Variants in GZF1 observed in about 807,000 individuals in gnomAD.
GZF1 encodes GDNF-inducible zinc finger protein 1.
A neutral mutation model predicts 49.4 loss-of-function variants in GZF1; 28 were observed. The observed-to-expected ratio is 0.57, with a 90% CI of 0.42 to 0.78. GZF1 has a LOEUF of 0.78. Ranked by LOEUF, GZF1 falls within the 30% of genes least tolerant of loss-of-function variation. The pLI, the probability that GZF1 is intolerant of heterozygous loss-of-function variation, is 0.00. For missense variants in GZF1, 798 were observed against 916.2 expected (o/e 0.87, Z 1.67); for synonymous variants, 364 against 356.0 (o/e 1.02, Z -0.25).
rs1431316155 is a variant in GZF1, at chr20:23,364,517, A to T, written c.134A>T (p.Asp45Val). ...GTGGAGTATCAGGGTGTCCGCAAAGACTTCATGGCCCACAAGGCAGTGCTG... is the reference window on the plus strand; with the variant it reads ...GTGGAGTATCAGGGTGTCCGCAAAGTCTTCATGGCCCACAAGGCAGTGCTG... ...VSVEYQGVRK[D>V]FMAHKAVLAA... The change falls in exon 2 of 6, where the codon GAC becomes GTC. Residue 45 changes from aspartate (D) to valine (V), a missense_variant. Coordinates refer to ENST00000338121, the MANE Select transcript of GZF1 (RefSeq NM_022482.5). The T allele has an allele frequency of 6.2e-7, 1 of 1,614,112 alleles. No homozygotes were observed. Among genetic ancestry groups the T allele is most frequent in the Non-Finnish European group, 8.5e-7 (1 of 1,180,056 alleles).
In GZF1 at chr20:23,365,658, C is replaced by T. The variant is rs148654502; in HGVS notation, c.1275C>T (p.His425=). The change falls in exon 2 of 6, where the codon CAC becomes CAT. Residue 425 remains histidine (H), a synonymous_variant. Coordinates refer to ENST00000338121, the MANE Select transcript of GZF1 (RefSeq NM_022482.5). ...GTTCCAAGACAGCGCTGCGGCTGCA[C>T]GAGCGCACACACACGGGAGACCGGC... is the stretch of plus-strand genomic sequence containing the variant. ...GLSSKTALRL[H]ERTHTGDRPY... is the part of the protein sequence containing the mutation. 43 of 1,600,266 alleles carry T rather than the reference C, an allele frequency of 2.7e-5. No homozygotes were observed. The highest frequency in any genetic ancestry group is 5.5e-5 in the South Asian group (5 of 90,938).
chr20:23,365,576 A>T lies in GZF1; in HGVS notation c.1193A>T (p.Gln398Leu), dbSNP rs144056913. 1.0e-4 allele frequency: 167 copies of T among 1,611,420 alleles called. No homozygotes were observed. The highest frequency in any genetic ancestry group is 1.3e-4 in the Non-Finnish European group (159 of 1,179,616). Reference sequence around the variant, plus strand: ...AAGGACGTGAAGCGGCACGTGCTGCAGGTGCATGAGGGCGGCGGCGAGCGG... The same window carrying T: ...AAGGACGTGAAGCGGCACGTGCTGCTGGTGCATGAGGGCGGCGGCGAGCGG... ...RKKDVKRHVL[Q>L]VHEGGGERHR... The change falls in exon 2 of 6, where the codon CAG (glutamine) becomes CTG (leucine). Residue 398 changes from glutamine (Q) to leucine (L), a missense_variant. Gln to Leu is a moderately radical substitution (Grantham distance 113). Coordinates refer to ENST00000338121, the MANE Select transcript of GZF1 (RefSeq NM_022482.5).
chr20:23,365,681 G>C lies in GZF1; in HGVS notation c.1298G>C (p.Arg433Pro), dbSNP rs1208924556. The part of the protein sequence containing the change: ...RLHERTHTGD[R>P]PYGCTECGAR... Reference sequence around the variant, plus strand: ...CACGAGCGCACACACACGGGAGACCGGCCCTACGGCTGCACCGAGTGCGGC... The same window carrying C: ...CACGAGCGCACACACACGGGAGACCCGCCCTACGGCTGCACCGAGTGCGGC... The change falls in exon 2 of 6, where the codon CGG becomes CCG. Residue 433 changes from arginine to proline, a missense_variant. By Grantham distance (103) the Arg-to-Pro change is moderately radical. Coordinates refer to ENST00000338121, the MANE Select transcript of GZF1 (RefSeq NM_022482.5). 6.3e-7 allele frequency: 1 copy of C among 1,590,534 alleles called. No homozygotes were observed. Among genetic ancestry groups the C allele is most frequent in the Non-Finnish European group, 8.5e-7 (1 of 1,173,526 alleles).
At chr20:23,361,546 C>T (rs1267366523), upstream of GZF1, among the ~76,000 whole-genome samples, 1 of 152,202 alleles carries the variant, frequency 6.6e-6, no homozygotes, top group Non-Finnish European at 1.5e-5. Flanking sequence ...GCGCCGAGCC[C>T]CCCAGCAGGG....
Position 23,364,898 on chromosome 20 carries a change from C to G in GZF1, c.515C>G (p.Pro172Arg). 2 of 1,614,190 alleles carry G rather than the reference C, an allele frequency of 1.2e-6. No homozygotes were observed. Among genetic ancestry groups the G allele is most frequent in the South Asian group, 1.1e-5 (1 of 91,084 alleles). Residue 172 changes from proline (P) to arginine (R), a missense_variant, in exon 2 of 6, where the codon CCT (proline) becomes CGT (arginine). Around this residue, in one of 3 missense-constraint regions of GZF1, gnomAD observed 247 missense variants for 228.5 expected, o/e 1.08. Coordinates refer to ENST00000338121, the MANE Select transcript of GZF1 (RefSeq NM_022482.5). ...AGGGCAAGTGTGGCCACCGATGGCCCTCACCCCAGTGGTCTCACGGATTCC... is the reference window on the plus strand; with the variant it reads ...AGGGCAAGTGTGGCCACCGATGGCCGTCACCCCAGTGGTCTCACGGATTCC... ...APRASVATDG[P>R]HPSGLTDSLD...
In GZF1 at chr20:23,364,868, C is replaced by T. The variant is rs754917634; in HGVS notation, c.485C>T (p.Ala162Val). ...SSGSQVSAAP[A>V]PRASVATDGP... is the part of the protein sequence containing the mutation. Reference sequence around the variant, plus strand: ...GGCTCCCAAGTTAGTGCTGCTCCTGCCCCCAGGGCAAGTGTGGCCACCGAT... The same window carrying T: ...GGCTCCCAAGTTAGTGCTGCTCCTGTCCCCAGGGCAAGTGTGGCCACCGAT... Residue 162 changes from alanine (A) to valine (V), a missense_variant, in exon 2 of 6, where the codon GCC becomes GTC. By Grantham distance (64) the Ala-to-Val change is moderately conservative. This residue lies in a region of GZF1 where 247 missense variants were observed against 228.5 expected (regional missense o/e 1.08). Transcript: ENST00000338121. 7 of 1,614,064 alleles carry T rather than the reference C, an allele frequency of 4.3e-6. No individual in the cohort carries two copies. Among genetic ancestry groups the T allele is most frequent in the South Asian group, 2.2e-5 (2 of 91,092 alleles).
rs937033650 is a variant in GZF1 at position 23,372,922 on chromosome 20, G to A, written c.*2481G>A. On this transcript the variant is annotated 3_prime_UTR_variant, in exon 6 of 6. Transcript: ENST00000338121. Reference sequence around the variant, plus strand: ...GTTTGGAAAAAATGGGCCATGTGGTGGAGACCTTTATTTAAGGTGATTTTT... The same window carrying A: ...GTTTGGAAAAAATGGGCCATGTGGTAGAGACCTTTATTTAAGGTGATTTTT... 2 of 152,186 alleles carry A rather than the reference G, an allele frequency of 1.3e-5. No individual in the cohort carries two copies. Among genetic ancestry groups the A allele is most frequent in the Non-Finnish European group, 2.9e-5 (2 of 68,038 alleles). 9.4% of individuals were successfully genotyped at this position (152,186 alleles called of 1,614,324 possible).
At chr20:23,367,732 CTT>C (rs1258112959) in intron 3 of GZF1, among the ~76,000 whole-genome samples, 1 of 152,154 alleles carries the variant, frequency 6.6e-6, no homozygotes, top group Non-Finnish European at 1.5e-5. Context: ...TTTCCAAAGT[CTT>C]TATGATTTAT....
chr20:23,367,697 GGTA>G (rs1055321687), intron 3 of GZF1, among the ~76,000 whole-genome samples: 2 of 152,276 alleles, frequency 1.3e-5, no homozygotes, highest in Non-Finnish European at 2.9e-5. Context: ...GATACATTAA[GGTA>G]GTAGGATTAT....
rs914312745 is a variant in GZF1 at position 23,365,193 on chromosome 20, C to G, written c.810C>G (p.Gly270=). ...CPQDQSPDRV[G]TEMEQVSKNE... ...AGGACCAAAGCCCGGACAGGGTGGG[C>G]ACGGAGATGGAGCAGGTTTCCAAAA... The change falls in exon 2 of 6, where the codon GGC becomes GGG. Residue 270 remains glycine (G), a synonymous_variant. Coordinates refer to ENST00000338121, the MANE Select transcript of GZF1 (RefSeq NM_022482.5). The G allele has an allele frequency of 4.4e-6, 7 of 1,607,334 alleles. No individual in the cohort carries two copies. The highest frequency in any genetic ancestry group is 1.3e-5 in the African/African-American group (1 of 74,446).
rs1048678753 is a variant in GZF1 at position 23,370,504 on chromosome 20, G to A, written c.*63G>A. 9 of 1,077,260 alleles carry A rather than the reference G, an allele frequency of 8.4e-6. No homozygotes were observed. Among genetic ancestry groups the A allele is most frequent in the Non-Finnish European group, 1.3e-5 (9 of 715,900 alleles). The allele number at this position is 1,077,260 out of a possible 1,614,324, so 66.7% of individuals were successfully genotyped here. Reference sequence around the variant, plus strand: ...GTGGTAGCTGAACTCAAGATGATGTGGGGCTAAGAAAAATAATTGTCCATG... The same window carrying A: ...GTGGTAGCTGAACTCAAGATGATGTAGGGCTAAGAAAAATAATTGTCCATG... On this transcript the variant is annotated 3_prime_UTR_variant, in exon 6 of 6. Coordinates refer to ENST00000338121, the MANE Select transcript of GZF1 (RefSeq NM_022482.5).
chr20:23,370,474 C>A lies in GZF1; in HGVS notation c.*33C>A. On this transcript the variant is annotated 3_prime_UTR_variant, in exon 6 of 6. Coordinates refer to ENST00000338121, the MANE Select transcript of GZF1 (RefSeq NM_022482.5). ...AAGCAGTTCCCATCCTGTTAGTCTG[C>A]GTGTGTGGTAGCTGAACTCAAGATG... is the stretch of plus-strand genomic sequence containing the variant. 2 of 1,333,684 alleles carry A rather than the reference C, an allele frequency of 1.5e-6. No homozygotes were observed. The highest frequency in any genetic ancestry group is 1.1e-6 in the Non-Finnish European group (1 of 935,316). 82.6% of individuals were successfully genotyped at this position (1,333,684 alleles called of 1,614,324 possible).
In GZF1 at chr20:23,364,491, C is replaced by T. The variant is rs149633064; in HGVS notation, c.108C>T (p.Ser36=). Reference sequence around the variant, plus strand: ...GTCACCTGTGTGACGTGACAGTCAGCGTGGAGTATCAGGGTGTCCGCAAAG... The same window carrying T: ...GTCACCTGTGTGACGTGACAGTCAGTGTGGAGTATCAGGGTGTCCGCAAAG... The part of the protein sequence containing the change: ...LLGHLCDVTV[S]VEYQGVRKDF... Residue 36 remains serine, a synonymous_variant, in exon 2 of 6, where the codon AGC becomes AGT. Transcript: ENST00000338121. 1.3e-5 allele frequency: 21 copies of T among 1,614,086 alleles called. No individual in the cohort carries two copies. The highest frequency in any genetic ancestry group is 4.5e-5 in the East Asian group (2 of 44,898).
intron 2 of GZF1, 143 bp from the exon 3 acceptor site, chr20:23,366,860 A>G: frequency 1.5e-6 from 1 of 653,836 alleles, no homozygotes; most frequent in Non-Finnish European, 2.7e-6. Context: ...TGGGATGGAG[A>G]TTATGGGCTC....
At chr20:23,363,585 T>G (rs957008230) in intron 1 of GZF1, among the ~76,000 whole-genome samples, 2 of 152,234 alleles carry the variant, frequency 1.3e-5, no homozygotes, top group Admixed American at 6.5e-5. Flanking sequence ...GTTACCTTGA[T>G]AGGTCCTCAT....
At chr20:23,369,821 C>G (rs1324719657) in intron 5 of GZF1, 80 bp downstream of exon 5, 1 of 1,448,138 alleles carries the variant, frequency 6.9e-7, no homozygotes, top group Non-Finnish European at 9.4e-7. Flanking sequence ...CCACCATTCT[C>G]CAAGGTGGTT....
Position 23,365,561 on chromosome 20 carries a change from A to T in GZF1, c.1178A>T (p.Lys393Met). 6.2e-7 allele frequency: 1 copy of T among 1,612,488 alleles called. No homozygotes were observed. The highest frequency in any genetic ancestry group is 8.5e-7 in the Non-Finnish European group (1 of 1,179,666). The change falls in exon 2 of 6, where the codon AAG (lysine) becomes ATG (methionine). Residue 393 changes from lysine (K) to methionine (M), a missense_variant. Lys to Met is a moderately conservative substitution (Grantham distance 95). Coordinates refer to ENST00000338121, the MANE Select transcript of GZF1 (RefSeq NM_022482.5). ...AAGTTCAAGCGCAAGAAGGACGTGAAGCGGCACGTGCTGCAGGTGCATGAG... is the reference window on the plus strand; with the variant it reads ...AAGTTCAAGCGCAAGAAGGACGTGATGCGGCACGTGCTGCAGGTGCATGAG... Reference protein sequence around the residue: ...GKKFKRKKDVKRHVLQVHEGG... With the variant: ...GKKFKRKKDVMRHVLQVHEGG...
Position 23,365,628 on chromosome 20 carries a change from C to T in GZF1, c.1245C>T (p.Gly415=). 2.5e-6 allele frequency: 4 copies of T among 1,605,154 alleles called. No individual in the cohort carries two copies. The highest frequency in any genetic ancestry group is 3.4e-6 in the Non-Finnish European group (4 of 1,179,306). ...ACCGCTGCGGCCAGTGCGGCAAGGG[C>T]CTGAGTTCCAAGACAGCGCTGCGGC... ...ERHRCGQCGK[G]LSSKTALRLH... The change falls in exon 2 of 6, where the codon GGC becomes GGT. Residue 415 remains glycine, a synonymous_variant. Coordinates refer to ENST00000338121, the MANE Select transcript of GZF1 (RefSeq NM_022482.5).
Position 23,364,828 on chromosome 20 carries a change from G to T in GZF1, c.445G>T (p.Val149Leu), listed in dbSNP as rs1284768178. ...ELQNFSESQEVEVSSGSQVSA... is the reference protein window; with the variant it reads ...ELQNFSESQELEVSSGSQVSA... The stretch of plus-strand genomic sequence containing the variant: ...GCAAAATTTCTCAGAGTCTCAGGAG[G>T]TGGAGGTGAGCAGTGGCTCCCAAGT... Residue 149 changes from valine (V) to leucine (L), a missense_variant, in exon 2 of 6, where the codon GTG (valine) becomes TTG (leucine). This residue lies in a region of GZF1 where 247 missense variants were observed against 228.5 expected (regional missense o/e 1.08). Coordinates refer to ENST00000338121, the MANE Select transcript of GZF1 (RefSeq NM_022482.5). The T allele has an allele frequency of 4.3e-6, 7 of 1,614,128 alleles. No homozygotes were observed. In the African/African-American group the frequency reaches 8.0e-5, roughly 18 times the overall value.
Sources: gnomAD v4.1 joint callset for allele counts (sites outside exome capture counted in the v4.1 genomes callset) on GRCh38, gnomAD v4.1.1 for gene constraint, gnomAD v4.1.1 regional missense constraint, MANE v1.5 for transcripts, NCBI Gene and HGNC (gene_info 2026-07-23, HGNC 2026-07-21) for gene names.